The following EML4 variants were observed in gnomAD, a reference collection of about 807,000 sequenced individuals.
EML4 encodes echinoderm microtubule-associated protein-like 4.
EML4 carries 72 observed loss-of-function variants against 129.0 expected under a neutral mutation model. The observed-to-expected ratio is 0.56, with a 90% CI of 0.46 to 0.68. The LOEUF is 0.68. Ranked by LOEUF, EML4 falls within the 30% of genes least tolerant of loss-of-function variation. The pLI is 0.00. For missense variants in EML4, 1,363 were observed against 1,190.6 expected (o/e 1.14, Z -2.13); for synonymous variants, 532 against 405.0 (o/e 1.31, Z -3.77).
intron 19 of EML4, among the ~76,000 whole-genome samples, chr2:42,319,310 A>G (rs186588355): frequency 1.5e-3 from 228 of 152,350 alleles, no homozygotes; most frequent in African/African-American, 5.3e-3. Context: ...AATGTGTGAC[A>G]TGGAATAATC....
At chr2:42,229,511 TCATAAAGCAAGAC>T (rs1378666212) in intron 1 of EML4, among the ~76,000 whole-genome samples, 1 of 152,100 alleles carries the variant, frequency 6.6e-6, no homozygotes, top group East Asian at 1.9e-4. Flanking sequence ...GAGAATTTTT[TCATAAAGCAAGAC>T]AGATAACTGT....
chr2:42,316,152 T>C (rs932998191), intron 18 of EML4, 102 bp downstream of exon 18: 4 of 733,954 alleles, frequency 5.4e-6, no homozygotes, highest in South Asian at 1.9e-5. Context: ...TTTCTCTCTT[T>C]AGAGTTGTTA....
chr2:42,255,808 A>G (rs1676105926), intron 2 of EML4, among the ~76,000 whole-genome samples: 2 of 152,264 alleles, frequency 1.3e-5, no homozygotes, highest in African/African-American at 4.8e-5. Context: ...CTTGACAAAA[A>G]TGCAGTGTTA....
At chr2:42,258,682 G>C (rs1665516092) in intron 3 of EML4, among the ~76,000 whole-genome samples, 1 of 152,094 alleles carries the variant, frequency 6.6e-6, no homozygotes, top group Admixed American at 6.5e-5. Flanking sequence ...TTACAGGTGT[G>C]AGCCACTGTG....
chr2:42,174,384 G>A (rs1027185087), intron 1 of EML4, among the ~76,000 whole-genome samples: 45 of 152,000 alleles, frequency 3.0e-4, no homozygotes, highest in Non-Finnish European at 1.0e-4. Context: ...TCTGCCTCCT[G>A]GGTTCAAGCG....
At chr2:42,281,223 C>G (rs1052077195) in intron 7 of EML4, among the ~76,000 whole-genome samples, 4 of 151,986 alleles carry the variant, frequency 2.6e-5, no homozygotes, top group African/African-American at 7.2e-5. Flanking sequence ...GAAACCCCAT[C>G]TCTACTAAAG....
chr2:42,245,048 C>T (rs938832814), intron 1 of EML4, among the ~76,000 whole-genome samples: 2 of 140,910 alleles, frequency 1.4e-5, no homozygotes, highest in African/African-American at 2.7e-5. Context: ...TAATATGTGT[C>T]AACATGATGA....
chr2:42,274,463 G>C (rs993722009), intron 6 of EML4, among the ~76,000 whole-genome samples: 1 of 151,920 alleles, frequency 6.6e-6, no homozygotes, highest in African/African-American at 2.4e-5. Flanking sequence ...CAATCTCTAA[G>C]TCCAGAAATA....
chr2:42,278,404 T>C (rs1328462259), intron 6 of EML4, among the ~76,000 whole-genome samples: 7 of 151,968 alleles, frequency 4.6e-5, no homozygotes, highest in African/African-American at 1.7e-4. Context: ...TGAAACCACA[T>C]GTCTACTAAA....
chr2:42,264,103 G>GTTTTTTTTTTTTTTTTTTTTTTTTTTTTT lies in EML4; in HGVS notation c.642-577_642-576insTTTTTTTTTTTTTTTTTTTTTTTTTTTTT, dbSNP rs9309080. 4.0e-5 allele frequency among the ~76,000 whole-genome samples: 4 copies of GTTTTTTTTTTTTTTTTTTTTTTTTTTTTT among 100,748 alleles called. 2 individuals are homozygous for GTTTTTTTTTTTTTTTTTTTTTTTTTTTTT. 66.1% of individuals were successfully genotyped at this position (100,748 alleles called of 152,430 possible). A position where few individuals can be genotyped will look rare whatever the true frequency, so the allele number is the denominator to read the frequency against. On this transcript the variant is annotated intron_variant, in intron 5 of 22. Transcript: ENST00000318522. ...AAGGCTCCCAACTCAAACAATACGT[G>GTTTTTTTTTTTTTTTTTTTTTTTTTTTTT]TTTTTTTTTTTTTTTTTTTTTTTTT... is the stretch of plus-strand genomic sequence containing the variant.
intron 6 of EML4, among the ~76,000 whole-genome samples, chr2:42,277,001 C>CT: frequency 6.6e-6 from 1 of 152,168 alleles, no homozygotes; most frequent in African/African-American, 2.4e-5. Flanking sequence ...CTGCTTGACA[C>CT]TTGATACCCA....
At chr2:42,214,418 T>C (rs1397204229) in intron 1 of EML4, among the ~76,000 whole-genome samples, 1 of 151,570 alleles carries the variant, frequency 6.6e-6, no homozygotes, top group Non-Finnish European at 1.5e-5. Flanking sequence ...CCTCACCTAC[T>C]TATCCTAGAG....
At chr2:42,289,917 A>C (rs1667530949) in intron 11 of EML4, 2 of 101,816 alleles carry the variant, frequency 2.0e-5, no homozygotes, top group Non-Finnish European at 3.9e-5. Flanking sequence ...AAAATACAAA[A>C]AAAAAAAAAA....
intron 1 of EML4, among the ~76,000 whole-genome samples, chr2:42,211,819 A>G (rs938931692): frequency 6.6e-6 from 1 of 151,988 alleles, no homozygotes; most frequent in Non-Finnish European, 1.5e-5. Context: ...CTTCCCAGAC[A>G]CAAAATAACC....
At chr2:42,285,862 G>C (rs1004210532) in intron 9 of EML4, 4 of 205,140 alleles carry the variant, frequency 1.9e-5, no homozygotes, top group Admixed American at 1.6e-4. Context: ...GCCTCCCAAA[G>C]TGCTAGGATT....
chr2:42,219,963 A>T (rs1673464515), intron 1 of EML4, among the ~76,000 whole-genome samples: 1 of 150,976 alleles, frequency 6.6e-6, no homozygotes, highest in African/African-American at 2.4e-5. Context: ...TTTGCCAGGA[A>T]TAGCTGCTTT....
chr2:42,250,385 A>G (rs1331231176), intron 2 of EML4, among the ~76,000 whole-genome samples: 1 of 152,170 alleles, frequency 6.6e-6, no homozygotes, highest in Non-Finnish European at 1.5e-5. Flanking sequence ...GGATTATCAT[A>G]GGTTTGCTGT....
chr2:42,174,969 A>G (rs1291089226), intron 1 of EML4, among the ~76,000 whole-genome samples: 1 of 151,322 alleles, frequency 6.6e-6, no homozygotes, highest in African/African-American at 2.4e-5. Context: ...GGTGCCCGCC[A>G]GCATGTCTGG....
At chr2:42,310,494 C>T (rs989361756) in intron 17 of EML4, among the ~76,000 whole-genome samples, 5 of 152,092 alleles carry the variant, frequency 3.3e-5, no homozygotes, top group Non-Finnish European at 4.4e-5. Context: ...TACAAGCGTG[C>T]ACCACCATGC....
Sources: allele counts gnomAD v4.1 joint callset (sites outside exome capture counted in the v4.1 genomes callset), GRCh38; gene constraint gnomAD v4.1.1; transcripts MANE v1.5; gene names NCBI Gene and HGNC (gene_info 2026-07-23, HGNC 2026-07-21).